The following NCAM2 variants were observed in gnomAD, a reference collection of about 807,000 sequenced individuals.
NCAM2 encodes the protein neural cell adhesion molecule 2.
A neutral mutation model predicts 98.1 loss-of-function variants in NCAM2; 30 were observed. The ratio of observed to expected loss-of-function variants is 0.31; its 90% CI spans 0.23 to 0.41. The LOEUF (loss-of-function observed/expected upper bound fraction) is 0.41. Among genes scored for constraint, NCAM2 ranks in the 10% least tolerant of loss-of-function variants. The pLI is 1.00. For synonymous variants in NCAM2, 368 were observed against 342.4 expected (o/e 1.07, Z -0.83); for missense variants, 867 against 1,005.8 (o/e 0.86, Z 1.87).
At chr21:21,351,430 T>C (rs2075337295) in intron 8 of NCAM2, among the ~76,000 whole-genome samples, 1 of 152,150 alleles carries the variant, frequency 6.6e-6, no homozygotes, top group Non-Finnish European at 1.5e-5. Flanking sequence ...TTAATTAATG[T>C]TGTGTACTTA....
At chr21:21,413,882 G>C (rs893761443) in intron 10 of NCAM2, among the ~76,000 whole-genome samples, 1 of 152,158 alleles carries the variant, frequency 6.6e-6, no homozygotes, top group Non-Finnish European at 1.5e-5. Context: ...TTTCATGAAA[G>C]ATCTCTGTGT....
intron 1 of NCAM2, among the ~76,000 whole-genome samples, chr21:21,078,313 T>C (rs1316330255): frequency 6.6e-6 from 1 of 152,220 alleles, no homozygotes; most frequent in Non-Finnish European, 1.5e-5. Context: ...ATTTTATTAA[T>C]TATCTTGCCA....
intron 9 of NCAM2, among the ~76,000 whole-genome samples, chr21:21,379,548 A>C (rs2076106136): frequency 6.6e-6 from 1 of 151,968 alleles, no homozygotes; most frequent in Admixed American, 6.6e-5. Context: ...TAACTTTCAG[A>C]TATTTGGATT....
chr21:21,228,954 A>G (rs1462229385), intron 1 of NCAM2, among the ~76,000 whole-genome samples: 4 of 151,560 alleles, frequency 2.6e-5, no homozygotes, highest in Non-Finnish European at 5.9e-5. Context: ...TAAAACAAGT[A>G]ATTTCTAAAT....
chr21:21,378,743 T>C (rs944719529), intron 9 of NCAM2, among the ~76,000 whole-genome samples: 5 of 152,070 alleles, frequency 3.3e-5, no homozygotes, highest in Non-Finnish European at 7.4e-5. Flanking sequence ...ATCTAGTACC[T>C]ATTGATGGAC....
intron 6 of NCAM2, among the ~76,000 whole-genome samples, chr21:21,325,428 T>C (rs2074487588): frequency 6.6e-6 from 1 of 152,196 alleles, no homozygotes; most frequent in Non-Finnish European, 1.5e-5. Flanking sequence ...ACCCTTTGTT[T>C]CTACTGCTTA....
chr21:21,532,261 T>C (rs1159610699), intron 16 of NCAM2, among the ~76,000 whole-genome samples: 1 of 152,048 alleles, frequency 6.6e-6, no homozygotes, highest in Non-Finnish European at 1.5e-5. Flanking sequence ...TTATAGATTA[T>C]AGCTAAAACT....
intron 1 of NCAM2, among the ~76,000 whole-genome samples, chr21:21,161,630 ATGTG>A (rs1343110372): frequency 6.6e-6 from 1 of 151,812 alleles, no homozygotes; most frequent in Non-Finnish European, 1.5e-5. Context: ...TAGGATATAT[ATGTG>A]TGTATTTAAA....
chr21:21,270,311 T>G (rs1044742049), intron 1 of NCAM2, among the ~76,000 whole-genome samples: 3 of 152,208 alleles, frequency 2.0e-5, no homozygotes, highest in African/African-American at 4.8e-5. Flanking sequence ...GGTCTCATAA[T>G]GTACTCAGGG....
At chr21:21,080,613 T>A (rs2065773333) in intron 1 of NCAM2, among the ~76,000 whole-genome samples, 1 of 32,772 alleles carries the variant, frequency 3.1e-5, no homozygotes, top group Non-Finnish European at 5.3e-5. Flanking sequence ...CAAAACTCTG[T>A]CAAAAAAAAA....
At chr21:21,251,744 GTT>G (rs3037910) in intron 1 of NCAM2, among the ~76,000 whole-genome samples, 2 of 143,542 alleles carry the variant, frequency 1.4e-5, no homozygotes, top group African/African-American at 5.1e-5. Flanking sequence ...ACTTTTTGAT[GTT>G]TTTTTTTTTT....
chr21:21,482,728 C>A (rs1327931221), intron 15 of NCAM2, among the ~76,000 whole-genome samples: 1 of 151,294 alleles, frequency 6.6e-6, no homozygotes, highest in Non-Finnish European at 1.5e-5. Flanking sequence ...TACTACATTT[C>A]TTCTTAGTTT....
chr21:21,446,452 T>G (rs76123405), intron 12 of NCAM2, among the ~76,000 whole-genome samples: 20,871 of 152,014 alleles, frequency 0.14, 1,464 homozygotes, highest in Middle Eastern at 0.16. Context: ...TCTCCCTATC[T>G]TCTTCAGGTA....
intron 1 of NCAM2, among the ~76,000 whole-genome samples, chr21:21,122,936 A>C (rs566968067): frequency 2.0e-5 from 3 of 152,302 alleles, no homozygotes; most frequent in Admixed American, 1.3e-4. Flanking sequence ...CAAATCCAGC[A>C]AGGTGATTGT....
chr21:21,004,778 C>T (rs952308366), intron 1 of NCAM2, among the ~76,000 whole-genome samples: 7 of 152,126 alleles, frequency 4.6e-5, no homozygotes, highest in Admixed American at 3.3e-4. Context: ...TTACGATTAT[C>T]GTTCCTTTAT....
At chr21:21,043,321 A>G (rs76049768) in intron 1 of NCAM2, among the ~76,000 whole-genome samples, 1 of 152,198 alleles carries the variant, frequency 6.6e-6, no homozygotes, top group Non-Finnish European at 1.5e-5. Flanking sequence ...ATCTAGGATG[A>G]GTAATTTAAT....
intron 5 of NCAM2, among the ~76,000 whole-genome samples, chr21:21,317,432 A>T (rs555184188): frequency 6.6e-6 from 1 of 152,164 alleles, no homozygotes; most frequent in East Asian, 1.9e-4. Flanking sequence ...AGTACTACCA[A>T]CTCTAAAAAT....
At chr21:21,059,832 T>C (rs2065285987) in intron 1 of NCAM2, among the ~76,000 whole-genome samples, 1 of 152,088 alleles carries the variant, frequency 6.6e-6, no homozygotes, top group Non-Finnish European at 1.5e-5. Context: ...AGGAAGCTGC[T>C]AAATATGCTA....
chr21:21,273,223 G>A (rs1219373981), intron 1 of NCAM2, among the ~76,000 whole-genome samples: 1 of 152,096 alleles, frequency 6.6e-6, no homozygotes, highest in Non-Finnish European at 1.5e-5. Flanking sequence ...CCTTATAGTA[G>A]TATCTACTTT....
Sources: allele counts gnomAD v4.1 joint callset (sites outside exome capture counted in the v4.1 genomes callset), GRCh38; gene constraint gnomAD v4.1.1; transcripts MANE v1.5; gene names NCBI Gene and HGNC (gene_info 2026-07-23, HGNC 2026-07-21).